Variants in GALNT13 observed in about 807,000 individuals in gnomAD.
GALNT13 encodes polypeptide N-acetylgalactosaminyltransferase 13.
Under a neutral mutation model 64.2 loss-of-function variants are expected in GALNT13, and 28 were observed. That is an observed-to-expected ratio of 0.44 (90% confidence interval 0.32 to 0.60). The LOEUF (loss-of-function observed/expected upper bound fraction) is 0.60, where lower values mean the gene tolerates loss of function less well. GALNT13 is among the 20% of genes least tolerant of loss of function. The pLI is 0.05. For missense variants in GALNT13, 577 were observed against 669.8 expected, an observed-to-expected ratio of 0.86 and a Z score of 1.53; for synonymous variants, 214 against 224.6, an observed-to-expected ratio of 0.95 and a Z score of 0.42.
intron 9 of GALNT13, among the ~76,000 whole-genome samples, chr2:154,366,712 C>A (rs1428367945): frequency 2.6e-5 from 4 of 152,102 alleles, no homozygotes; most frequent in Non-Finnish European, 4.4e-5. Flanking sequence ...GGGAAGAATT[C>A]CTCTGTATGA....
intron 2 of GALNT13, among the ~76,000 whole-genome samples, chr2:153,943,000 T>C (rs1691448213): frequency 6.6e-6 from 1 of 152,206 alleles, no homozygotes; most frequent in African/African-American, 2.4e-5. Context: ...CAAAACTTCA[T>C]CACTTATCTT....
At chr2:153,477,499 T>C in the GALNT13 span, 22 of 152,384 alleles carry the variant, frequency 1.4e-4, no homozygotes, top group African/African-American at 5.1e-4. Flanking sequence ...GCAGGAACGC[T>C]AGACGCCTCC....
chr2:153,836,497 A>G, the GALNT13 span, among the ~76,000 whole-genome samples: 1 of 150,812 alleles, frequency 6.6e-6, no homozygotes, highest in South Asian at 2.1e-4. Context: ...CCTGGCAACC[A>G]TTGTTCTTTT....
At chr2:153,255,961 C>T in the GALNT13 span, among the ~76,000 whole-genome samples, 4 of 152,058 alleles carry the variant, frequency 2.6e-5, no homozygotes, top group South Asian at 4.1e-4. Flanking sequence ...TTGCTCTTCT[C>T]GAGGAATATC....
At chr2:153,233,648 G>T in the GALNT13 span, among the ~76,000 whole-genome samples, 9 of 152,198 alleles carry the variant, frequency 5.9e-5, no homozygotes, top group African/African-American at 1.9e-4. Context: ...AATGTAAAAA[G>T]AACGCAGTCA....
intron 11 of GALNT13, among the ~76,000 whole-genome samples, chr2:154,411,120 C>G (rs758215886): frequency 6.6e-6 from 1 of 151,616 alleles, no homozygotes; most frequent in Non-Finnish European, 1.5e-5. Flanking sequence ...TAGACATTGC[C>G]AAGAAATAAT....
chr2:153,324,605 A>G, the GALNT13 span, among the ~76,000 whole-genome samples: 1 of 152,140 alleles, frequency 6.6e-6, no homozygotes, highest in African/African-American at 2.4e-5. Flanking sequence ...TCAGTATGAT[A>G]TTGGCTGTGG....
chr2:153,606,546 A>T, the GALNT13 span, among the ~76,000 whole-genome samples: 1 of 152,090 alleles, frequency 6.6e-6, no homozygotes, highest in Non-Finnish European at 1.5e-5. Context: ...GTGGCTCAAG[A>T]CAATTCTTCT....
chr2:153,101,663 A>G, the GALNT13 span, among the ~76,000 whole-genome samples: 2 of 152,228 alleles, frequency 1.3e-5, no homozygotes, highest in African/African-American at 4.8e-5. Context: ...AAGTTCTTCA[A>G]AATTGACCTA....
chr2:154,035,890 T>C (rs1266427841), intron 3 of GALNT13, among the ~76,000 whole-genome samples: 8 of 151,992 alleles, frequency 5.3e-5, no homozygotes, highest in Admixed American at 4.6e-4. Context: ...GAATAAATAA[T>C]CTTTGAGATG....
the GALNT13 span, among the ~76,000 whole-genome samples, chr2:153,294,917 C>T: frequency 2.2e-4 from 34 of 152,268 alleles, no homozygotes; most frequent in African/African-American, 8.2e-4. Context: ...AAGCTTTAGA[C>T]TCCAAGAACA....
At chr2:154,101,568 A>G (rs1702351147) in intron 3 of GALNT13, among the ~76,000 whole-genome samples, 1 of 151,926 alleles carries the variant, frequency 6.6e-6, no homozygotes. Flanking sequence ...TCTAGCTTGT[A>G]GTCTATTGAT....
At chr2:153,485,609 A>C in the GALNT13 span, among the ~76,000 whole-genome samples, 3 of 152,202 alleles carry the variant, frequency 2.0e-5, no homozygotes, top group Non-Finnish European at 2.9e-5. Flanking sequence ...TACAAAGGAA[A>C]ATATATTACT....
intron 4 of GALNT13, among the ~76,000 whole-genome samples, chr2:154,150,097 G>T (rs530903262): frequency 6.6e-6 from 1 of 152,058 alleles, no homozygotes; most frequent in Non-Finnish European, 1.5e-5. Context: ...TTTGAGATAC[G>T]TCCCATCAAT....
chr2:153,834,664 T>C, the GALNT13 span, among the ~76,000 whole-genome samples: 15,818 of 152,090 alleles, frequency 0.1, 1,049 homozygotes, highest in African/African-American at 0.17. Flanking sequence ...TCAAAACATA[T>C]CTGAAAGTTT....
rs965800780 is a variant in GALNT13 at position 154,453,722 on chromosome 2, C to T, written c.*3171C>T. On this transcript the variant is annotated 3_prime_UTR_variant, in exon 13 of 13. Transcript: ENST00000392825. ...TTGGTATTTCTGGCATATATATTCT[C>T]TAAATATTTCTTGAATTAATGAACT... 2.6e-5 allele frequency: 4 copies of T among 152,198 alleles called. No homozygotes were observed. Among genetic ancestry groups the T allele is most frequent in the Non-Finnish European group, 5.9e-5 (4 of 68,012 alleles). 9.4% of individuals were successfully genotyped at this position (152,198 alleles called of 1,614,324 possible). A position where few individuals can be genotyped will look rare whatever the true frequency, so the allele number is the denominator to read the frequency against.
At chr2:153,299,618 T>C in the GALNT13 span, among the ~76,000 whole-genome samples, 2 of 152,216 alleles carry the variant, frequency 1.3e-5, no homozygotes, top group Non-Finnish European at 2.9e-5. Context: ...TGATTTCCTT[T>C]TCCTCTTTCT....
At chr2:153,137,729 A>C in the GALNT13 span, among the ~76,000 whole-genome samples, 4 of 151,954 alleles carry the variant, frequency 2.6e-5, no homozygotes, top group Non-Finnish European at 5.9e-5. Context: ...CCTCAAAAAA[A>C]AAAAAAAAAG....
the GALNT13 span, among the ~76,000 whole-genome samples, chr2:153,448,529 A>G: frequency 6.6e-6 from 1 of 152,200 alleles, no homozygotes; most frequent in South Asian, 2.1e-4. Context: ...GATCACAACT[A>G]TCAAATCTGC....
Sources: allele counts gnomAD v4.1 joint callset (sites outside exome capture counted in the v4.1 genomes callset), GRCh38; gene constraint gnomAD v4.1.1; transcripts MANE v1.5; gene names NCBI Gene and HGNC (gene_info 2026-07-23, HGNC 2026-07-21).